RGS6: variants seen among roughly 807,000 people sequenced by gnomAD.
The protein encoded by RGS6 is regulator of G protein signaling 6, also known as regulator of G-protein signaling 6.
RGS6 carries 30 observed loss-of-function variants against 78.5 expected under a neutral mutation model. The observed-to-expected ratio is 0.38, with a 90% CI of 0.29 to 0.52. RGS6 has a LOEUF of 0.52. Among genes scored for constraint, RGS6 ranks in the 20% least tolerant of loss-of-function variants. The probability of loss-of-function intolerance (pLI) is 0.85; values close to 1 mark genes in which losing one functional copy is unlikely to be tolerated. For missense variants in RGS6, 495 were observed against 609.7 expected, an observed-to-expected ratio of 0.81 and a Z score of 1.98; for synonymous variants, 206 against 206.0, an observed-to-expected ratio of 1.00 and a Z score of 0.00.
the RGS6 span, among the ~76,000 whole-genome samples, chr14:71,898,118 C>T: frequency 2.0e-5 from 3 of 151,876 alleles, no homozygotes; most frequent in Admixed American, 1.3e-4. Context: ...ACCTCACATA[C>T]TTTTATTGTG....
At chr14:72,204,329 C>T (rs2042250573) in intron 2 of RGS6, among the ~76,000 whole-genome samples, 1 of 152,104 alleles carries the variant, frequency 6.6e-6, no homozygotes, top group Admixed American at 6.5e-5. Flanking sequence ...CAAACATAGC[C>T]CACAATTCCA....
At chr14:72,073,502 C>A (rs1200788855) in intron 2 of RGS6, among the ~76,000 whole-genome samples, 4 of 152,142 alleles carry the variant, frequency 2.6e-5, no homozygotes, top group African/African-American at 9.7e-5. Context: ...GTGGTCCGAG[C>A]CTGTCCTGGC....
chr14:71,901,151 C>T, the RGS6 span, among the ~76,000 whole-genome samples: 2 of 46,042 alleles, frequency 4.3e-5, no homozygotes, highest in African/African-American at 9.0e-5. Flanking sequence ...ATATCTTTCT[C>T]AAAGTGAGTA....
At chr14:71,933,863 A>AT (rs1384109092) in intron 1 of RGS6, among the ~76,000 whole-genome samples, 31 of 152,156 alleles carry the variant, frequency 2.0e-4, no homozygotes, top group Admixed American at 2.0e-3. Flanking sequence ...AGGGTGAGAG[A>AT]TGGAAGAACT....
At chr14:72,611,771 G>C in the RGS6 span, among the ~76,000 whole-genome samples, 1 of 152,146 alleles carries the variant, frequency 6.6e-6, no homozygotes, top group Non-Finnish European at 1.5e-5. Flanking sequence ...ACTAGGCTGA[G>C]GTCATCTGTT....
chr14:72,615,246 C>T, the RGS6 span, among the ~76,000 whole-genome samples: 1 of 152,168 alleles, frequency 6.6e-6, no homozygotes, highest in Non-Finnish European at 1.5e-5. Flanking sequence ...CGCAACACCC[C>T]CTACCTCCTC....
intron 12 of RGS6, among the ~76,000 whole-genome samples, chr14:72,487,798 C>T (rs1408624440): frequency 1.3e-5 from 2 of 152,190 alleles, no homozygotes; most frequent in Non-Finnish European, 2.9e-5. Flanking sequence ...TAAGACAATA[C>T]ATTTGTATTG....
intron 2 of RGS6, among the ~76,000 whole-genome samples, chr14:72,349,511 TG>T (rs1350135361): frequency 6.6e-6 from 1 of 152,170 alleles, no homozygotes; most frequent in East Asian, 1.9e-4. Flanking sequence ...ATTAATACCA[TG>T]GGGGAGTCAG....
At chr14:72,503,234 C>T (rs2096752529) in intron 13 of RGS6, among the ~76,000 whole-genome samples, 1 of 152,160 alleles carries the variant, frequency 6.6e-6, no homozygotes, top group Admixed American at 6.5e-5. Flanking sequence ...CCAAAACCAT[C>T]ACATTAGGGG....
chr14:72,010,109 G>A (rs2085378835), intron 2 of RGS6, among the ~76,000 whole-genome samples: 1 of 152,128 alleles, frequency 6.6e-6, no homozygotes, highest in African/African-American at 2.4e-5. Context: ...CACTTCTTAG[G>A]TCCTTTGATT....
chr14:72,584,494 T>G, the RGS6 span, among the ~76,000 whole-genome samples: 3 of 152,128 alleles, frequency 2.0e-5, no homozygotes, highest in Admixed American at 6.5e-5. Flanking sequence ...AAGCTGACAT[T>G]TGAAGCTGAA....
intron 2 of RGS6, among the ~76,000 whole-genome samples, chr14:72,056,234 C>A (rs879700409): frequency 2.6e-5 from 4 of 152,210 alleles, no homozygotes; most frequent in Admixed American, 6.5e-5. Context: ...CGCCGTGTCA[C>A]AGAGCTCCCT....
intron 3 of RGS6, among the ~76,000 whole-genome samples, chr14:72,443,792 A>G (rs1282280779): frequency 6.6e-6 from 1 of 152,124 alleles, no homozygotes; most frequent in East Asian, 1.9e-4. Flanking sequence ...TGGGCACCTG[A>G]CATTAGATCA....
chr14:72,522,916 A>T (rs1277737668), intron 15 of RGS6, among the ~76,000 whole-genome samples: 1 of 152,198 alleles, frequency 6.6e-6, no homozygotes, highest in African/African-American at 2.4e-5. Context: ...GGGGGAGAGT[A>T]AGTTAGAGGA....
intron 3 of RGS6, among the ~76,000 whole-genome samples, chr14:72,453,530 G>A (rs201453822): frequency 2.1e-5 from 3 of 145,298 alleles, no homozygotes; most frequent in Admixed American, 1.4e-4. Context: ...GCAGGAGAAT[G>A]GCGTGAACCC....
At chr14:71,877,683 C>G in the RGS6 span, among the ~76,000 whole-genome samples, 3 of 152,216 alleles carry the variant, frequency 2.0e-5, no homozygotes, top group African/African-American at 7.2e-5. Context: ...CTTCTCTCAA[C>G]TCATCAAAGT....
intron 3 of RGS6, among the ~76,000 whole-genome samples, chr14:72,429,863 G>T (rs1010980102): frequency 2.0e-5 from 3 of 152,182 alleles, no homozygotes; most frequent in African/African-American, 7.2e-5. Context: ...TTTCCTCCAT[G>T]CTGTTCTCAT....
chr14:72,178,885 A>G (rs2097139391), intron 2 of RGS6, among the ~76,000 whole-genome samples: 1 of 152,248 alleles, frequency 6.6e-6, no homozygotes, highest in Admixed American at 6.5e-5. Context: ...CAGTGCCCTC[A>G]TAGATCCAGA....
At chr14:72,137,992 G>C (rs1036354014) in intron 2 of RGS6, among the ~76,000 whole-genome samples, 2 of 152,062 alleles carry the variant, frequency 1.3e-5, no homozygotes, top group Non-Finnish European at 2.9e-5. Flanking sequence ...GGCTATCCAG[G>C]AGCCCCCAGC....
Sources: allele counts gnomAD v4.1 joint callset (sites outside exome capture counted in the v4.1 genomes callset), GRCh38; gene constraint gnomAD v4.1.1; transcripts MANE v1.5; gene names NCBI Gene and HGNC (gene_info 2026-07-23, HGNC 2026-07-21).